The following TECR variants were observed in gnomAD, a reference collection of about 807,000 sequenced individuals.
TECR encodes the protein trans-2,3-enoyl-CoA reductase.
TECR carries 19 observed loss-of-function variants against 50.6 expected under a neutral mutation model. The observed-to-expected ratio is 0.38, with a 90% CI of 0.26 to 0.55. The LOEUF (loss-of-function observed/expected upper bound fraction) is 0.55, where lower values mean the gene tolerates loss of function less well. TECR is among the 20% of genes least tolerant of loss of function. The pLI is 0.79. For synonymous variants in TECR, 168 were observed against 163.5 expected, an observed-to-expected ratio of 1.03 and a Z score of -0.21; for missense variants, 313 against 408.3, an observed-to-expected ratio of 0.77 and a Z score of 2.01.
chr19:14,537,252 T>A (rs1599421185), intron 1 of TECR, among the ~76,000 whole-genome samples: 1 of 10,576 alleles, frequency 9.5e-5, no homozygotes, highest in Admixed American at 1.2e-3. Flanking sequence ...CGGGCCTGGA[T>A]GGGGGAGGCG....
At chr19:14,562,035 C>A in intron 1 of TECR, 1 of 299,538 alleles carries the variant, frequency 3.3e-6, no homozygotes, top group South Asian at 4.6e-5. Context: ...GTGCTGGTGC[C>A]GTTGAGGGTT....
At chr19:14,530,482 A>C (rs1325681663) in intron 1 of TECR, 1 of 152,236 alleles carries the variant, frequency 6.6e-6, no homozygotes, top group Non-Finnish European at 1.5e-5. Flanking sequence ...CAAATAATAA[A>C]ATTTGTTATT....
chr19:14,562,793 C>T (rs1192961928), intron 2 of TECR, among the ~76,000 whole-genome samples: 2 of 152,042 alleles, frequency 1.3e-5, no homozygotes, highest in East Asian at 1.9e-4. Flanking sequence ...GGATTTTGGT[C>T]CTGGGAGGGC....
At chr19:14,555,223 G>T (rs1159592274) in intron 1 of TECR, among the ~76,000 whole-genome samples, 2 of 151,564 alleles carry the variant, frequency 1.3e-5, no homozygotes, top group African/African-American at 4.8e-5. Context: ...TAGGACCATA[G>T]GTGCGAGTCA....
chr19:14,531,875 G>A (rs2072680199), intron 1 of TECR: 1 of 152,058 alleles, frequency 6.6e-6, no homozygotes, highest in African/African-American at 2.4e-5. Flanking sequence ...TAAACCTGTA[G>A]TCCCACTACT....
intron 1 of TECR, among the ~76,000 whole-genome samples, chr19:14,558,243 G>C (rs2073797934): frequency 1.3e-5 from 2 of 152,162 alleles, no homozygotes; most frequent in Admixed American, 1.3e-4. Flanking sequence ...CACCAGGCGG[G>C]CGGGTTCCCA....
At chr19:14,544,731 C>T (rs184399265) in intron 1 of TECR, among the ~76,000 whole-genome samples, 107 of 151,156 alleles carry the variant, frequency 7.1e-4, no homozygotes, top group African/African-American at 2.5e-3. Flanking sequence ...CTCCTGGGTT[C>T]AAGGGATTCT....
intron 1 of TECR, among the ~76,000 whole-genome samples, chr19:14,538,593 C>T (rs1024024854): frequency 3.3e-5 from 5 of 149,876 alleles, no homozygotes; most frequent in Middle Eastern, 3.4e-3. Context: ...AGTGCAGTGG[C>T]GTAATCTTGG....
At position 14,565,329 on chromosome 19, in the gene TECR, G is replaced by A. The variant is rs200336949; in HGVS notation, c.753+39G>A. 75 of 1,608,624 alleles carry A rather than the reference G, an allele frequency of 4.7e-5. No individual in the cohort carries two copies. In the African/African-American group the frequency reaches 8.7e-4, roughly 19 times the overall value. ...TTACCCCTCTCTGCCCTGGGACTTG[G>A]GGTCCCATGTGGAGGGACCAGCCCC... On this transcript the variant is annotated intron_variant, in intron 11 of 12. Transcript: ENST00000215567.
At chr19:14,550,742 G>A (rs2073470728) in intron 1 of TECR, among the ~76,000 whole-genome samples, 1 of 152,072 alleles carries the variant, frequency 6.6e-6, no homozygotes, top group Admixed American at 6.6e-5. Context: ...GTATAGTGGC[G>A]TGATCTCAGC....
intron 1 of TECR, among the ~76,000 whole-genome samples, chr19:14,549,294 C>A (rs1377770731): frequency 6.8e-6 from 1 of 146,924 alleles, no homozygotes; most frequent in African/African-American, 2.5e-5. Context: ...CTCACTGCAA[C>A]CTCTGCCTCC....
At chr19:14,540,262 G>T (rs2073052340) in intron 1 of TECR, among the ~76,000 whole-genome samples, 1 of 151,714 alleles carries the variant, frequency 6.6e-6, no homozygotes, top group Non-Finnish European at 1.5e-5. Context: ...TAGAGACAGG[G>T]TTTCACTGTG....
At chr19:14,557,884 T>G (rs1599484349) in intron 1 of TECR, among the ~76,000 whole-genome samples, 1 of 151,938 alleles carries the variant, frequency 6.6e-6, no homozygotes, top group East Asian at 1.9e-4. Context: ...GCCTCCCGAG[T>G]AGCTGGGACT....
Position 14,563,396 on chromosome 19 carries a change from T to A in TECR, c.118+139T>A. 1.1e-6 allele frequency: 1 copy of A among 933,602 alleles called. No homozygotes were observed. Among genetic ancestry groups the A allele is most frequent in the Non-Finnish European group, 1.7e-6 (1 of 589,960 alleles). 57.8% of individuals were successfully genotyped at this position (933,602 alleles called of 1,614,324 possible). On this transcript the variant is annotated intron_variant, in intron 3 of 12. Transcript: ENST00000215567. The surrounding 1 kb of genome is among the most constrained non-coding windows in gnomAD (Gnocchi z 5.3). ...GTGGCCCAGGCTTCTGGGGCGTGAC[T>A]GGGGCAGGCGCCTCCACGTGGCACT...
Position 14,565,182 on chromosome 19 carries a change from CCTT to C in TECR, c.665-17_665-15del, listed in dbSNP as rs747311027. 10 of 1,613,798 alleles carry C rather than the reference CCTT, an allele frequency of 6.2e-6. 1 individual carries two copies. Among genetic ancestry groups the C allele is most frequent in the Middle Eastern group, 3.3e-4 (2 of 6,084 alleles). On this transcript the variant is annotated splice_polypyrimidine_tract_variant and intron_variant, in intron 10 of 12. Coordinates refer to ENST00000215567, the MANE Select transcript of TECR (RefSeq NM_138501.6). ...GCTGGGTGAGGGGGTCTGACTTTCT[CCTT>C]CTGTCCTGCCTGCCAGGGTCCAAGA...
Position 14,564,297 on chromosome 19 carries a change from C to T in TECR, c.489+10C>T, listed in dbSNP as rs2073993391. 1.3e-6 allele frequency: 2 copies of T among 1,591,714 alleles called. No individual in the cohort carries two copies. The highest frequency in any genetic ancestry group is 1.7e-6 in the Non-Finnish European group (2 of 1,171,602). On this transcript the variant is annotated intron_variant, in intron 7 of 12. Transcript: ENST00000215567. ...GCGCAACATCTTCAAGGTGAGAGCC[C>T]GTCCCCGCCTCACCCCTAAGCCCCG...
At chr19:14,543,415 ATATATTTTTTTTTTTTTTTTTTT>A (rs1268628677) in intron 1 of TECR, among the ~76,000 whole-genome samples, 5 of 9,488 alleles carry the variant, frequency 5.3e-4, no homozygotes, top group Non-Finnish European at 9.6e-4. Flanking sequence ...ATATATATAT[ATATATTTTTTTTTTTTTTTTTTT>A]TTTTTTTTTT....
chr19:14,541,116 G>A (rs1441071268), intron 1 of TECR, among the ~76,000 whole-genome samples: 1 of 152,162 alleles, frequency 6.6e-6, no homozygotes, highest in East Asian at 1.9e-4. Context: ...GTGAGCCACT[G>A]TTCCCGGCCA....
chr19:14,535,576 ATATATATATATATGTATGTATATAT>A, intron 1 of TECR, among the ~76,000 whole-genome samples: 1 of 39,902 alleles, frequency 2.5e-5, no homozygotes, highest in East Asian at 6.2e-4. Context: ...ATATATATAT[ATATATATATATATGTATGTATATAT>A]AAATTAGCCA....
Sources: allele counts gnomAD v4.1 joint callset (sites outside exome capture counted in the v4.1 genomes callset), GRCh38; gene constraint gnomAD v4.1.1; non-coding constraint Gnocchi (gnomAD v3.1); transcripts MANE v1.5; gene names NCBI Gene and HGNC (gene_info 2026-07-23, HGNC 2026-07-21).